The following UTRN variants were observed in gnomAD, a reference collection of about 807,000 sequenced individuals.
UTRN encodes the protein dystrophin-related protein 1.
In UTRN, 283 loss-of-function variants were observed where a neutral mutation model predicts 463.9. The observed-to-expected ratio is 0.61, with a 90% CI of 0.55 to 0.67. The LOEUF (loss-of-function observed/expected upper bound fraction) is 0.67, where lower values mean the gene tolerates loss of function less well. Among genes scored for constraint, UTRN ranks in the 30% least tolerant of loss-of-function variants. The pLI is 0.00. For missense variants in UTRN, 3,922 were observed against 4,084.3 expected (o/e 0.96, Z 1.08); for synonymous variants, 1,442 against 1,431.5 (o/e 1.01, Z -0.17).
chr6:144,811,800 G>A (rs558759827), intron 65 of UTRN, among the ~76,000 whole-genome samples: 3 of 151,718 alleles, frequency 2.0e-5, no homozygotes, highest in Admixed American at 6.6e-5. Context: ...GAAATGTACC[G>A]CTTAGCAGTA....
At chr6:144,705,366 C>A (rs1784985933) in intron 53 of UTRN, among the ~76,000 whole-genome samples, 1 of 152,128 alleles carries the variant, frequency 6.6e-6, no homozygotes, top group Non-Finnish European at 1.5e-5. Flanking sequence ...TTCCTTTGGG[C>A]TGCAGTAACA....
At position 144,638,026 on chromosome 6, in the gene UTRN, A is replaced by G. The variant is rs537954650; in HGVS notation, c.7480-40380A>G. On this transcript the variant is annotated intron_variant, in intron 51 of 74. Coordinates refer to ENST00000367545, the MANE Select transcript of UTRN (RefSeq NM_007124.3). The stretch of plus-strand genomic sequence containing the variant: ...CAGACATTGTTAGACACTACGCTGT[A>G]TTTGTATAGCTTCAGTGTTTGGTAG... Among the ~76,000 whole-genome samples the G allele has an allele frequency of 1.1e-4, 16 of 152,362 alleles. No homozygotes were observed. The East Asian group carries it at 3.1e-3, about 29-fold the overall frequency.
chr6:144,830,160 G>A (rs1562961137), intron 69 of UTRN, among the ~76,000 whole-genome samples: 2 of 152,078 alleles, frequency 1.3e-5, no homozygotes, highest in Non-Finnish European at 2.9e-5. Flanking sequence ...CACAGTAAAG[G>A]TAATGCTCAA....
At chr6:144,634,345 C>G (rs754715160) in intron 51 of UTRN, among the ~76,000 whole-genome samples, 10 of 152,258 alleles carry the variant, frequency 6.6e-5, no homozygotes, top group African/African-American at 2.2e-4. Flanking sequence ...GACTGTCCGT[C>G]AGGGTCATCT....
chr6:144,431,077 A>G (rs1000834260), intron 9 of UTRN, among the ~76,000 whole-genome samples: 1 of 152,182 alleles, frequency 6.6e-6, no homozygotes, highest in Non-Finnish European at 1.5e-5. Context: ...ATTTGCCTCT[A>G]AAAGTATAGT....
At chr6:144,471,504 G>T (rs948337168) in intron 23 of UTRN, among the ~76,000 whole-genome samples, 50 of 152,218 alleles carry the variant, frequency 3.3e-4, no homozygotes, top group Non-Finnish European at 4.8e-4. Context: ...GTTAAACGGA[G>T]AATTTTTAAA....
chr6:144,715,324 T>A (rs1786277253), intron 53 of UTRN, among the ~76,000 whole-genome samples: 1 of 152,226 alleles, frequency 6.6e-6, no homozygotes, highest in African/African-American at 2.4e-5. Flanking sequence ...AAATATAGAA[T>A]CTGAATCTAC....
intron 3 of UTRN, among the ~76,000 whole-genome samples, chr6:144,418,735 G>A (rs899420248): frequency 8.6e-5 from 13 of 151,852 alleles, no homozygotes; most frequent in African/African-American, 2.9e-4. Context: ...TGTATTTTTA[G>A]TAGAGATGGG....
At chr6:144,806,023 CTG>C (rs1399021651) in intron 65 of UTRN, among the ~76,000 whole-genome samples, 1 of 152,052 alleles carries the variant, frequency 6.6e-6, no homozygotes, top group Non-Finnish European at 1.5e-5. Flanking sequence ...GTTTAGAAAA[CTG>C]ATTATAAAAT....
intron 51 of UTRN, among the ~76,000 whole-genome samples, chr6:144,620,232 A>G (rs917875445): frequency 1.3e-5 from 2 of 152,300 alleles, no homozygotes; most frequent in South Asian, 2.1e-4. Context: ...ATCATTTTTA[A>G]GTACCCACCT....
At chr6:144,500,801 C>A (rs1245567396) in intron 34 of UTRN, among the ~76,000 whole-genome samples, 3 of 152,186 alleles carry the variant, frequency 2.0e-5, no homozygotes, top group Non-Finnish European at 2.9e-5. Flanking sequence ...CTGGTTCTGG[C>A]TTCTGCAGTA....
chr6:144,481,125 G>C (rs1032817163), intron 26 of UTRN, among the ~76,000 whole-genome samples: 1 of 151,872 alleles, frequency 6.6e-6, no homozygotes, highest in Non-Finnish European at 1.5e-5. Flanking sequence ...TATTTGATTG[G>C]GCAACATTTT....
At chr6:144,781,556 T>G (rs980616697) in intron 60 of UTRN, among the ~76,000 whole-genome samples, 1 of 152,258 alleles carries the variant, frequency 6.6e-6, no homozygotes, top group African/African-American at 2.4e-5. Context: ...CAGTGTAATA[T>G]TTGAGATGCG....
chr6:144,694,285 T>G (rs9484899), intron 52 of UTRN, among the ~76,000 whole-genome samples: 69,665 of 147,670 alleles, frequency 0.47, 19,408 homozygotes, highest in East Asian at 0.87. Flanking sequence ...TGGATTCGGT[T>G]TGCCAGTGTT....
intron 51 of UTRN, among the ~76,000 whole-genome samples, chr6:144,659,406 G>A (rs1779633701): frequency 1.3e-5 from 2 of 152,186 alleles, no homozygotes; most frequent in African/African-American, 4.8e-5. Context: ...CACTGAGGCT[G>A]CTCTCCCCTG....
intron 2 of UTRN, among the ~76,000 whole-genome samples, chr6:144,347,654 A>G (rs1466823890): frequency 6.6e-6 from 1 of 152,118 alleles, no homozygotes; most frequent in African/African-American, 2.4e-5. Flanking sequence ...ATCTGGGGGA[A>G]TGCTGAACAG....
At chr6:144,370,713 G>C (rs1779907874) in intron 2 of UTRN, among the ~76,000 whole-genome samples, 1 of 152,142 alleles carries the variant, frequency 6.6e-6, no homozygotes, top group Non-Finnish European at 1.5e-5. Context: ...GCCAGCCCGT[G>C]AAAGCAGCCA....
At chr6:144,746,907 C>T (rs986377824) in intron 54 of UTRN, among the ~76,000 whole-genome samples, 3 of 152,240 alleles carry the variant, frequency 2.0e-5, no homozygotes, top group African/African-American at 4.8e-5. Context: ...ACTTCCACCA[C>T]TTAAGCAGCA....
At chr6:144,700,357 C>T (rs7755541) in intron 53 of UTRN, 114 bp downstream of exon 53, 5 of 1,205,180 alleles carry the variant, frequency 4.1e-6, no homozygotes, top group Non-Finnish European at 4.4e-6. Flanking sequence ...GATTCCCCCC[C>T]CCACCACCGT....
Sources: allele counts gnomAD v4.1 joint callset (sites outside exome capture counted in the v4.1 genomes callset), GRCh38; gene constraint gnomAD v4.1.1; transcripts MANE v1.5; gene names NCBI Gene and HGNC (gene_info 2026-07-23, HGNC 2026-07-21).